MBTPS2: variants seen among roughly 807,000 people sequenced by gnomAD.
MBTPS2 encodes the protein membrane bound transcription factor peptidase, site 2.
A neutral mutation model predicts 35.4 loss-of-function variants in MBTPS2; 2 were observed. That is an observed-to-expected ratio of 0.06 (90% CI 0.02 to 0.18). The LOEUF is 0.18. MBTPS2 is among the 10% of genes least tolerant of loss of function. MBTPS2 has a pLI of 1.00. For missense variants in MBTPS2, 244 were observed against 386.5 expected (o/e 0.63, Z 3.09); for synonymous variants, 125 against 140.4 (o/e 0.89, Z 0.77).
intron 7 of MBTPS2, among the ~76,000 whole-genome samples, chrX:21,874,083 C>T (rs926840944): frequency 2.1e-5 from 2 of 97,068 alleles, no homozygotes; most frequent in Admixed American, 1.2e-4. Flanking sequence ...TGCAGTGGCG[C>T]GATCTCAGCT....
chrX:21,876,482 C>T (rs182140246), intron 7 of MBTPS2, among the ~76,000 whole-genome samples: 236 of 109,884 alleles, frequency 2.1e-3, no homozygotes, highest in African/African-American at 7.4e-3. Context: ...GGGAGAATCA[C>T]TTGAACCGGG....
chrX:21,868,641 A>G, intron 6 of MBTPS2, 56 bp downstream of exon 6: 1 of 829,920 alleles, frequency 1.2e-6, no homozygotes, highest in Non-Finnish European at 1.8e-6. Context: ...TGTAATACCT[A>G]GCATCTATTC....
At chrX:21,871,084 AT>A (rs982912244) in intron 7 of MBTPS2, 14 of 121,022 alleles carry the variant, frequency 1.2e-4, no homozygotes, top group Admixed American at 1.8e-4. Context: ...ATTTGTAAGA[AT>A]TTTTTTATTA....
At chrX:21,841,223 C>T (rs183001388) in intron 1 of MBTPS2, among the ~76,000 whole-genome samples, 1 of 111,394 alleles carries the variant, frequency 9.0e-6, no homozygotes. Flanking sequence ...GAGTTTGAGA[C>T]CAGCCTGGGC....
At chrX:21,861,707 AC>A (rs1206740599) in intron 5 of MBTPS2, among the ~76,000 whole-genome samples, 1 of 101,225 alleles carries the variant, frequency 9.9e-6, no homozygotes. Flanking sequence ...TTTAAAAAAA[AC>A]AAACAAAAAA....
intron 5 of MBTPS2, among the ~76,000 whole-genome samples, chrX:21,855,172 A>T (rs756748624): frequency 9.0e-6 from 1 of 111,411 alleles, no homozygotes; most frequent in South Asian, 3.8e-4. Context: ...GCTAAATCCA[A>T]GAGCTCTTAA....
chrX:21,853,597 A>G (rs2092917127), intron 5 of MBTPS2, 94 bp downstream of exon 5: 1 of 870,089 alleles, frequency 1.1e-6, no homozygotes, highest in Non-Finnish European at 1.7e-6. Flanking sequence ...ACAAATGACA[A>G]TATCTTATCT....
At chrX:21,873,484 C>T (rs995331254) in intron 7 of MBTPS2, among the ~76,000 whole-genome samples, 1 of 111,954 alleles carries the variant, frequency 8.9e-6, no homozygotes, top group African/African-American at 3.2e-5. Context: ...CTCCTTATTT[C>T]ATATATGCAT....
At chrX:21,842,408 T>C (rs771824725) in intron 1 of MBTPS2, among the ~76,000 whole-genome samples, 6 of 110,975 alleles carry the variant, frequency 5.4e-5, no homozygotes, top group Non-Finnish European at 1.1e-4. Flanking sequence ...TGATCGCAAC[T>C]GTCCCTTCTC....
At position 21,845,383 on chromosome X, in the gene MBTPS2, T is replaced by C; in HGVS notation, c.437T>C (p.Val146Ala). 8.3e-7 allele frequency: 1 copy of C among 1,198,687 alleles called. No individual in the cohort carries two copies. Among genetic ancestry groups the C allele is most frequent in the Non-Finnish European group, 1.1e-6 (1 of 887,269 alleles). Residue 146 changes from valine to alanine, a missense_variant and splice_region_variant, in exon 3 of 11, where the codon GTG (valine) becomes GCG (alanine). Val to Ala is a moderately conservative substitution (Grantham distance 64, BLOSUM62 0). Coordinates refer to ENST00000379484, the MANE Select transcript of MBTPS2 (RefSeq NM_015884.4). ...SLHNEQVLQV[V>A]VPGINLPVNQ... Reference sequence around the variant, plus strand: ...CACAATGAACAGGTGTTACAAGTTGTGGTAAGTATCGTCTTTTCGCTTTAA... The same window carrying C: ...CACAATGAACAGGTGTTACAAGTTGCGGTAAGTATCGTCTTTTCGCTTTAA...
chrX:21,871,766 A>G (rs752161485), intron 7 of MBTPS2: 3 of 111,545 alleles, frequency 2.7e-5, no homozygotes, highest in Non-Finnish European at 5.7e-5. Flanking sequence ...TGAATTTCCT[A>G]AATTCTGGGT....
chrX:21,864,481 G>A (rs192703471), intron 5 of MBTPS2, among the ~76,000 whole-genome samples: 4 of 111,473 alleles, frequency 3.6e-5, no homozygotes, highest in Non-Finnish European at 5.7e-5. Flanking sequence ...TGATCCACCC[G>A]CCTCAGCCTC....
At chrX:21,856,384 C>G (rs973851962) in intron 5 of MBTPS2, 1 of 988,318 alleles carries the variant, frequency 1.0e-6, no homozygotes, top group South Asian at 2.3e-5. Flanking sequence ...TCGCCCCTTC[C>G]TCTGCAGCTC....
At chrX:21,867,929 G>A (rs920676371) in intron 5 of MBTPS2, among the ~76,000 whole-genome samples, 5 of 111,482 alleles carry the variant, frequency 4.5e-5, no homozygotes, top group Admixed American at 9.5e-5. Context: ...GTGAGCCACC[G>A]TGCCTGGCCG....
At position 21,883,724 on chromosome X, in the gene MBTPS2, C is replaced by T; in HGVS notation, c.*1069C>T. Reference sequence around the variant, plus strand: ...TGTTTTCTGTCTCTCTCCTAAGCTACCTCTCTGGGTCCACAGAAGACTTGG... The same window carrying T: ...TGTTTTCTGTCTCTCTCCTAAGCTATCTCTCTGGGTCCACAGAAGACTTGG... On this transcript the variant is annotated 3_prime_UTR_variant, in exon 11 of 11. Coordinates refer to ENST00000379484, the MANE Select transcript of MBTPS2 (RefSeq NM_015884.4). 1.2e-5 allele frequency: 9 copies of T among 753,645 alleles called. No homozygotes were observed. Among genetic ancestry groups the T allele is most frequent in the Non-Finnish European group, 1.4e-5 (9 of 638,961 alleles). 62.1% of individuals were successfully genotyped at this position (753,645 alleles called of 1,213,427 possible).
intron 5 of MBTPS2, among the ~76,000 whole-genome samples, chrX:21,854,225 A>T (rs2092917884): frequency 8.9e-6 from 1 of 112,280 alleles, no homozygotes; most frequent in South Asian, 3.7e-4. Flanking sequence ...TATAAATGTA[A>T]ATACTACAAG....
intron 5 of MBTPS2, among the ~76,000 whole-genome samples, chrX:21,862,330 A>C: frequency 9.1e-6 from 1 of 110,438 alleles, no homozygotes; most frequent in East Asian, 2.8e-4. Context: ...TCTGTGGTGT[A>C]AATACTTGCA....
At chrX:21,839,858 G>A in intron 1 of MBTPS2, 49 bp downstream of exon 1, 1 of 1,098,357 alleles carries the variant, frequency 9.1e-7, no homozygotes, top group Non-Finnish European at 1.2e-6. Context: ...CATGGCCGGA[G>A]CGCAAGGCCT....
chrX:21,864,445 G>GTGAAAC lies in MBTPS2; in HGVS notation c.671-4022_671-4021insTGAAAC, dbSNP rs1322215054. Among the ~76,000 whole-genome samples, 4 of 111,238 alleles carry GTGAAAC rather than the reference G, an allele frequency of 3.6e-5. No individual in the cohort carries two copies. The East Asian group carries it at 1.1e-3, about 31-fold the overall frequency. On this transcript the variant is annotated intron_variant, in intron 5 of 10. Coordinates refer to ENST00000379484, the MANE Select transcript of MBTPS2 (RefSeq NM_015884.4). Reference sequence around the variant, plus strand: ...GATGGGGTTTCACCACGTTGGCCAGGCTGGTCTCGAACTCCTGACCACAGG... The same window carrying GTGAAAC: ...GATGGGGTTTCACCACGTTGGCCAGGTGAAACCTGGTCTCGAACTCCTGACCACAGG...
Sources: allele counts gnomAD v4.1 joint callset (sites outside exome capture counted in the v4.1 genomes callset), GRCh38; gene constraint gnomAD v4.1.1; transcripts MANE v1.5; gene names NCBI Gene and HGNC (gene_info 2026-07-23, HGNC 2026-07-21).